Variants in NAV3 observed in about 807,000 individuals in gnomAD.
NAV3 encodes the protein pore membrane and/or filament interacting like protein 1.
NAV3 carries 87 observed loss-of-function variants against 244.7 expected under a neutral mutation model. The ratio of observed to expected loss-of-function variants is 0.36; its 90% CI spans 0.30 to 0.42. The LOEUF (loss-of-function observed/expected upper bound fraction) is 0.42, where lower values mean the gene tolerates loss of function less well. NAV3 is among the 20% of genes least tolerant of loss of function. NAV3 has a pLI of 1.00. For synonymous variants in NAV3, 1,126 were observed against 1,042.2 expected (o/e 1.08, Z -1.55); for missense variants, 2,663 against 2,893.3 (o/e 0.92, Z 1.83).
chr12:77,634,988 G>A (rs1872092880), intron 2 of NAV3, among the ~76,000 whole-genome samples: 1 of 152,062 alleles, frequency 6.6e-6, no homozygotes, highest in African/African-American at 2.4e-5. Flanking sequence ...TGGCACTTTG[G>A]GATGCCAAGG....
At chr12:77,685,408 A>C (rs1413189316) in intron 2 of NAV3, among the ~76,000 whole-genome samples, 1 of 151,740 alleles carries the variant, frequency 6.6e-6, no homozygotes, top group Admixed American at 6.6e-5. Context: ...CTCTTTGTTC[A>C]TTCACTGTCT....
chr12:78,199,104 G>A (rs962927581), intron 36 of NAV3: 10 of 610,218 alleles, frequency 1.6e-5, no homozygotes, highest in East Asian at 6.6e-5. Context: ...CACTTCTGAC[G>A]CACATGAGCT....
intron 5 of NAV3, among the ~76,000 whole-genome samples, chr12:77,976,662 CTTTCTTTTTTTCTTTTT>C (rs1829473126): frequency 3.9e-5 from 3 of 77,400 alleles, no homozygotes; most frequent in Admixed American, 1.6e-4. Flanking sequence ...TTCTTTCTTT[CTTTCTTTTTTTCTTTTT>C]TTTTTTTTTT....
Position 77,954,856 on chromosome 12 carries a change from A to G in NAV3, c.415-11373A>G, listed in dbSNP as rs572930630. ...ATTGATTTGTGAAATTTTTATTACT[A>G]TCTGTTAATAAATCTATGTATGTAC... On this transcript the variant is annotated intron_variant, in intron 3 of 39. Transcript: ENST00000397909. 3.6e-4 allele frequency among the ~76,000 whole-genome samples: 55 copies of G among 152,308 alleles called. 1 individual carries two copies. Among genetic ancestry groups the G allele is most frequent in the African/African-American group, 1.3e-3 (55 of 41,584 alleles).
chr12:77,752,118 C>A (rs867423584), intron 2 of NAV3, among the ~76,000 whole-genome samples: 2 of 152,070 alleles, frequency 1.3e-5, no homozygotes, highest in Non-Finnish European at 2.9e-5. Context: ...CAATTGTGGT[C>A]AATATTTGGT....
intron 12 of NAV3, among the ~76,000 whole-genome samples, chr12:78,109,809 G>A (rs1256152269): frequency 2.6e-5 from 4 of 151,498 alleles, no homozygotes; most frequent in African/African-American, 4.8e-5. Flanking sequence ...TATAATAAAG[G>A]CCATATGTGA....
chr12:77,788,715 C>T (rs1871025489), intron 2 of NAV3, among the ~76,000 whole-genome samples: 1 of 150,442 alleles, frequency 6.6e-6, no homozygotes, highest in Non-Finnish European at 1.5e-5. Context: ...TGTAGAGATT[C>T]CAGGCATGAG....
chr12:77,708,878 T>C (rs1440754706), intron 2 of NAV3, among the ~76,000 whole-genome samples: 1 of 152,172 alleles, frequency 6.6e-6, no homozygotes, highest in Non-Finnish European at 1.5e-5. Context: ...TATTGGTGTA[T>C]AAGAATGCTT....
intron 12 of NAV3, among the ~76,000 whole-genome samples, chr12:78,116,211 G>T (rs1356785212): frequency 1.3e-5 from 2 of 152,134 alleles, no homozygotes; most frequent in Non-Finnish European, 2.9e-5. Flanking sequence ...ATCATGGATG[G>T]AAATGTGAGG....
rs759542698 is a variant in NAV3, at chr12:78,175,298, A to G, written c.4982-8A>G. On this transcript the variant is annotated splice_polypyrimidine_tract_variant and splice_region_variant and intron_variant, in intron 24 of 39. Coordinates refer to ENST00000397909, the MANE Select transcript of NAV3 (RefSeq NM_001024383.2). Reference sequence around the variant, plus strand: ...TGAGCCGATGTGATACTCTCCCTCTATTGCTAGATCTTCGCATCAGAAGAC... The same window carrying G: ...TGAGCCGATGTGATACTCTCCCTCTGTTGCTAGATCTTCGCATCAGAAGAC... The G allele has an allele frequency of 1.2e-6, 2 of 1,609,730 alleles. No individual in the cohort carries two copies. Among genetic ancestry groups the G allele is most frequent in the African/African-American group, 1.3e-5 (1 of 74,728 alleles).
chr12:77,991,337 T>A (rs1287361279), intron 5 of NAV3, among the ~76,000 whole-genome samples: 3 of 152,158 alleles, frequency 2.0e-5, no homozygotes, highest in African/African-American at 7.2e-5. Context: ...TTTTATTTTT[T>A]AAGAGACAAG....
At chr12:78,175,851 T>C (rs1361453842) in intron 25 of NAV3, among the ~76,000 whole-genome samples, 2 of 151,912 alleles carry the variant, frequency 1.3e-5, no homozygotes, top group Non-Finnish European at 2.9e-5. Context: ...TAGGGGTTTA[T>C]TGTGGGCATA....
At chr12:78,073,796 C>G (rs960870908) in intron 12 of NAV3, among the ~76,000 whole-genome samples, 3 of 152,102 alleles carry the variant, frequency 2.0e-5, no homozygotes, top group Admixed American at 1.3e-4. Flanking sequence ...AACTATACTA[C>G]AAGGCTACAG....
At chr12:77,753,549 T>C (rs1868971355) in intron 2 of NAV3, among the ~76,000 whole-genome samples, 5 of 152,206 alleles carry the variant, frequency 3.3e-5, no homozygotes. Context: ...GGTCTACATC[T>C]ACTGCTGATT....
At chr12:77,809,756 A>G (rs905629818) in intron 2 of NAV3, among the ~76,000 whole-genome samples, 3 of 152,168 alleles carry the variant, frequency 2.0e-5, no homozygotes, top group Non-Finnish European at 4.4e-5. Context: ...TATTTCTTAT[A>G]TTTGAATTCT....
intron 9 of NAV3, among the ~76,000 whole-genome samples, chr12:78,047,346 GCCT>G (rs544177558): frequency 1.1e-3 from 170 of 152,202 alleles, no homozygotes; most frequent in African/African-American, 3.8e-3. Flanking sequence ...AATTAGCCAG[GCCT>G]GGCAACGGGT....
intron 2 of NAV3, among the ~76,000 whole-genome samples, chr12:77,800,907 A>G (rs940449433): frequency 2.6e-5 from 4 of 152,046 alleles, no homozygotes; most frequent in Non-Finnish European, 5.9e-5. Flanking sequence ...ACTCTTCATC[A>G]CTTTTAAGAA....
chr12:77,798,559 AGT>A (rs1871544548), intron 2 of NAV3, among the ~76,000 whole-genome samples: 1 of 12,772 alleles, frequency 7.8e-5, no homozygotes, highest in Non-Finnish European at 9.6e-3. Flanking sequence ...AGAGAATAAT[AGT>A]AAAACTTCTT....
chr12:78,120,647 T>C (rs1955629051), intron 15 of NAV3, among the ~76,000 whole-genome samples: 1 of 152,170 alleles, frequency 6.6e-6, no homozygotes, highest in African/African-American at 2.4e-5. Context: ...GAAGTTCTGC[T>C]CTAAGATATC....
Sources: gnomAD v4.1 joint callset for allele counts (sites outside exome capture counted in the v4.1 genomes callset) on GRCh38, gnomAD v4.1.1 for gene constraint, MANE v1.5 for transcripts, NCBI Gene and HGNC (gene_info 2026-07-23, HGNC 2026-07-21) for gene names.